Variants in EML1 observed in about 807,000 individuals in gnomAD.
EML1 encodes the protein echinoderm microtubule-associated protein-like 1.
Under a neutral mutation model 110.4 loss-of-function variants are expected in EML1, and 27 were observed. That is an observed-to-expected ratio of 0.24 (90% CI 0.18 to 0.34). EML1 has a LOEUF of 0.34. EML1 is among the 10% of genes least tolerant of loss of function. The pLI, the probability that EML1 is intolerant of heterozygous loss-of-function variation, is 1.00. For missense variants in EML1, 741 were observed against 1,030.9 expected, an observed-to-expected ratio of 0.72 and a Z score of 3.85; for synonymous variants, 344 against 385.8, an observed-to-expected ratio of 0.89 and a Z score of 1.27.
At chr14:99,797,971 C>T (rs773583788) in intron 1 of EML1, among the ~76,000 whole-genome samples, 3 of 152,130 alleles carry the variant, frequency 2.0e-5, no homozygotes, top group African/African-American at 2.4e-5. Flanking sequence ...GCTGGAAAGG[C>T]TGTTCAAAGC....
intron 1 of EML1, among the ~76,000 whole-genome samples, chr14:99,787,886 A>ATT (rs1595280162): frequency 6.6e-6 from 1 of 152,240 alleles, no homozygotes; most frequent in East Asian, 1.9e-4. Context: ...TTTTAACTTG[A>ATT]TTACATCTGT....
At chr14:99,921,111 C>T (rs954182987) in intron 17 of EML1, among the ~76,000 whole-genome samples, 4 of 152,010 alleles carry the variant, frequency 2.6e-5, no homozygotes, top group South Asian at 2.1e-4. Context: ...TCTTGTTCCC[C>T]GCCCAGTGTG....
Position 99,939,261 on chromosome 14 carries a change from A to G in EML1, c.2256A>G (p.Lys752=), listed in dbSNP as rs1295157065. 1 of 1,612,778 alleles carries G rather than the reference A, an allele frequency of 6.2e-7. No individual in the cohort carries two copies. The highest frequency in any genetic ancestry group is 1.7e-5 in the Admixed American group (1 of 59,890). ...INAVCRAHEK[K]LLSTGDDFGK... ...CCGTCTGTCGGGCCCATGAGAAGAA[A>G]CTCCTGTCAACAGGCGACGACTTTG... Residue 752 remains lysine (K), a synonymous_variant, in exon 21 of 22, where the codon AAA becomes AAG. Transcript: ENST00000262233. This position sits in a 1 kb window ranked among gnomAD's most constrained non-coding sequence, Gnocchi z 4.2.
At chr14:99,874,188 C>G (rs1478370546) in intron 3 of EML1, among the ~76,000 whole-genome samples, 1 of 152,182 alleles carries the variant, frequency 6.6e-6, no homozygotes, top group Non-Finnish European at 1.5e-5. Context: ...ACCAGTCTCC[C>G]TGCAGAAATT....
chr14:99,791,638 GGCCCTTGGT>G (rs1472722591), upstream of EML1, among the ~76,000 whole-genome samples: 12 of 152,222 alleles, frequency 7.9e-5, no homozygotes, highest in East Asian at 1.7e-3. Context: ...CCCTCTGGCC[GGCCCTTGGT>G]GCCTCATTTC....
At chr14:99,835,591 A>G (rs1271074490) in intron 1 of EML1, among the ~76,000 whole-genome samples, 3 of 152,058 alleles carry the variant, frequency 2.0e-5, no homozygotes, top group Non-Finnish European at 4.4e-5. Flanking sequence ...TTCGTTTCTA[A>G]TGTCGATGTT....
At chr14:99,875,344 G>T (rs896058344) in intron 3 of EML1, among the ~76,000 whole-genome samples, 4 of 152,152 alleles carry the variant, frequency 2.6e-5, no homozygotes, top group African/African-American at 4.8e-5. Flanking sequence ...TGCTGCAGGG[G>T]ATTTGTGAGG....
chr14:99,841,570 A>G (rs1268394028), intron 1 of EML1, among the ~76,000 whole-genome samples: 2 of 152,176 alleles, frequency 1.3e-5, no homozygotes, highest in African/African-American at 2.4e-5. Flanking sequence ...ACAGGGCAGT[A>G]TAGGTAACCC....
At chr14:99,772,783 G>A (rs1296907970), upstream of EML1, among the ~76,000 whole-genome samples, 1 of 151,994 alleles carries the variant, frequency 6.6e-6, no homozygotes, top group African/African-American at 2.4e-5. Context: ...CATTTCATTT[G>A]AACAATGCTC....
intron 1 of EML1, among the ~76,000 whole-genome samples, chr14:99,831,786 G>C (rs576933333): frequency 6.6e-6 from 1 of 150,786 alleles, no homozygotes; most frequent in East Asian, 1.9e-4. Context: ...AGTTGAGTAG[G>C]TTTGCTGAAA....
intron 1 of EML1, among the ~76,000 whole-genome samples, chr14:99,841,574 G>A (rs2058634712): frequency 6.6e-6 from 1 of 152,148 alleles, no homozygotes; most frequent in Non-Finnish European, 1.5e-5. Flanking sequence ...GGCAGTATAG[G>A]TAACCCTTAG....
chr14:99,783,433 G>A (rs2057564182), intron 1 of EML1, among the ~76,000 whole-genome samples: 1 of 151,456 alleles, frequency 6.6e-6, no homozygotes, highest in Non-Finnish European at 1.5e-5. Context: ...TAACTAGGAT[G>A]GCCATACAAT....
At chr14:99,750,446 A>G (rs557411968) in intron 1 of EML1, among the ~76,000 whole-genome samples, 1 of 152,186 alleles carries the variant, frequency 6.6e-6, no homozygotes, top group African/African-American at 2.4e-5. Context: ...GGGGAGCATG[A>G]CTGAGGAATC....
chr14:99,897,566 T>C (rs1255548971), intron 7 of EML1, among the ~76,000 whole-genome samples: 1 of 152,144 alleles, frequency 6.6e-6, no homozygotes, highest in Non-Finnish European at 1.5e-5. Flanking sequence ...CGCTCACTAC[T>C]GCGCTCCGTG....
intron 1 of EML1, among the ~76,000 whole-genome samples, chr14:99,739,125 TG>T (rs2057010662): frequency 5.6e-5 from 1 of 17,772 alleles, no homozygotes; most frequent in Non-Finnish European, 4.7e-4. Context: ...AGAGAGTGTG[TG>T]TGTGTGTGTG....
At position 99,875,098 on chromosome 14, in the gene EML1, G is replaced by A. The variant is rs1329004090; in HGVS notation, c.384-3387G>A. ...TTGTCCAGTGCCTACCATTCATCAAGTCATCAATCATGTAACTATATTAAT... is the reference window on the plus strand; with the variant it reads ...TTGTCCAGTGCCTACCATTCATCAAATCATCAATCATGTAACTATATTAAT... On this transcript the variant is annotated intron_variant, in intron 3 of 21. Coordinates refer to ENST00000262233, the MANE Select transcript of EML1 (RefSeq NM_004434.3). 4.3e-6 allele frequency: 4 copies of A among 922,240 alleles called. No homozygotes were observed. In the African/African-American group the frequency reaches 5.1e-5, roughly 12 times the overall value. The allele number at this position is 922,240 out of a possible 1,614,324, so 57.1% of individuals were successfully genotyped here.
intron 3 of EML1, among the ~76,000 whole-genome samples, chr14:99,872,256 C>T (rs957323437): frequency 6.6e-6 from 1 of 152,050 alleles, no homozygotes; most frequent in African/African-American, 2.4e-5. Flanking sequence ...TGAAAGGGCT[C>T]CTAGGTGGCA....
chr14:99,923,342 G>A (rs751656225), intron 17 of EML1, among the ~76,000 whole-genome samples: 5 of 152,172 alleles, frequency 3.3e-5, no homozygotes, highest in Non-Finnish European at 5.9e-5. Context: ...CTTTGGGGTC[G>A]TATCCAAGAT....
intron 1 of EML1, among the ~76,000 whole-genome samples, chr14:99,810,374 T>G (rs1158557891): frequency 6.6e-6 from 1 of 152,230 alleles, no homozygotes; most frequent in Non-Finnish European, 1.5e-5. Context: ...AAAGTAGCAG[T>G]GACACTTCAC....
Sources: gnomAD v4.1 joint callset for allele counts (sites outside exome capture counted in the v4.1 genomes callset) on GRCh38, gnomAD v4.1.1 for gene constraint, Gnocchi (gnomAD v3.1) non-coding constraint, MANE v1.5 for transcripts, NCBI Gene and HGNC (gene_info 2026-07-23, HGNC 2026-07-21) for gene names.